The following MTERF4 variants were observed in gnomAD, a reference collection of about 807,000 sequenced individuals.
The protein encoded by MTERF4 is transcription termination factor 4, mitochondrial.
Under a neutral mutation model 22.5 loss-of-function variants are expected in MTERF4, and 17 were observed. The ratio of observed to expected loss-of-function variants is 0.75; its 90% CI spans 0.52 to 1.13. The LOEUF (loss-of-function observed/expected upper bound fraction) is 1.13. Among genes scored for constraint, MTERF4 ranks in the 50% most tolerant of loss-of-function variants. The pLI is 0.00. For missense variants in MTERF4, 420 were observed against 466.8 expected (o/e 0.90, Z 0.92); for synonymous variants, 165 against 175.3 (o/e 0.94, Z 0.47).
At chr2:241,061,266 G>T in the MTERF4 span, among the ~76,000 whole-genome samples, 3 of 152,098 alleles carry the variant, frequency 2.0e-5, no homozygotes, top group East Asian at 5.8e-4. Context: ...AACATAAAAA[G>T]AAATATTCTA....
At chr2:241,052,201 C>T in the MTERF4 span, 2 of 1,553,900 alleles carry the variant, frequency 1.3e-6, no homozygotes, top group South Asian at 2.2e-5. Flanking sequence ...AGGGGTGAAC[C>T]CTCTCTGCAG....
chr2:241,064,349 C>G, the MTERF4 span, among the ~76,000 whole-genome samples: 8 of 151,988 alleles, frequency 5.3e-5, no homozygotes, highest in South Asian at 1.7e-3. The surrounding 1 kb of genome is among the most constrained non-coding windows in gnomAD (Gnocchi z 7.0). Context: ...CCTGCGCTCA[C>G]CCCCCAGACA....
At position 241,096,429 on chromosome 2, in the gene MTERF4, A is replaced by G. The variant is rs759354557; in HGVS notation, c.715T>C (p.Phe239Leu). The change falls in exon 4 of 4, where the codon TTC (phenylalanine) becomes CTC (leucine). Residue 239 changes from phenylalanine (F) to leucine (L), a missense_variant. Physicochemically the swap from Phe to Leu is conservative, Grantham distance 22. Transcript: ENST00000391980. The surrounding 1 kb of genome is among the most constrained non-coding windows in gnomAD (Gnocchi z 5.1). Reference sequence around the variant, plus strand: ...TCTGGATGCTTAATTCCCATCCTGAAGTATGCATACTGGAAGACACAAACA... The same window carrying G: ...TCTGGATGCTTAATTCCCATCCTGAGGTATGCATACTGGAAGACACAAACA... Reference protein sequence around the residue: ...QLEYKFQYAYFRMGIKHPDIV... With the variant: ...QLEYKFQYAYLRMGIKHPDIV... 3.7e-6 allele frequency: 6 copies of G among 1,613,956 alleles called. No homozygotes were observed. Among genetic ancestry groups the G allele is most frequent in the Non-Finnish European group, 5.1e-6 (6 of 1,180,006 alleles).
downstream of MTERF4, chr2:241,068,874 A>G (rs2062581199): frequency 7.1e-7 from 1 of 1,407,770 alleles, no homozygotes. This position sits in a 1 kb window ranked among gnomAD's most constrained non-coding sequence, Gnocchi z 5.3. Context: ...CAGGTCCCAG[A>G]CATCCCTGTT....
rs544384010 is a variant in MTERF4 at position 241,096,327 on chromosome 2, G to A, written c.817C>T (p.Arg273Trp). The change falls in exon 4 of 4, where the codon CGG becomes TGG. Residue 273 changes from arginine to tryptophan, a missense_variant. Physicochemically the swap from Arg to Trp is moderately radical, Grantham distance 101. Coordinates refer to ENST00000391980, the MANE Select transcript of MTERF4 (RefSeq NM_182501.4). The surrounding 1 kb of genome is among the most constrained non-coding windows in gnomAD (Gnocchi z 5.1). ...CCCTTCTTATCAGGGGTTTGGTACC[G>A]TCCCAGGCGCTCCAGGTAAATGTGT... ...QRHIYLERLG[R>W]YQTPDKKGQT... 42 of 1,614,150 alleles carry A rather than the reference G, an allele frequency of 2.6e-5. No homozygotes were observed. Among genetic ancestry groups the A allele is most frequent in the Admixed American group, 1.2e-4 (7 of 60,010 alleles).
the MTERF4 span, among the ~76,000 whole-genome samples, chr2:241,046,317 G>A: frequency 6.6e-6 from 1 of 152,136 alleles, no homozygotes; most frequent in African/African-American, 2.4e-5. Context: ...TAACTCTAAA[G>A]AGATGAAAAC....
chr2:241,081,787 G>A (rs1429491832), intron 4 of MTERF4: 3 of 1,584,128 alleles, frequency 1.9e-6, no homozygotes, highest in Non-Finnish European at 2.6e-6. Flanking sequence ...CAGACGCTGC[G>A]AGCTCGGTAA....
the MTERF4 span, chr2:241,063,423 A>C: frequency 4.7e-6 from 3 of 633,676 alleles, no homozygotes; most frequent in Non-Finnish European, 8.7e-6. Flanking sequence ...CCTCCCGAGG[A>C]GGGGTGGGTT....
the MTERF4 span, chr2:241,053,021 C>G: frequency 1.2e-6 from 1 of 842,542 alleles, no homozygotes; most frequent in Non-Finnish European, 1.8e-6. Flanking sequence ...AGTCGAGGCA[C>G]CTTTCCCCGG....
the MTERF4 span, chr2:241,065,372 C>T: frequency 8.7e-6 from 14 of 1,613,014 alleles, no homozygotes; most frequent in Middle Eastern, 1.6e-4. Flanking sequence ...GGAACCCGCC[C>T]AATGGTCCAG....
At chr2:241,060,623 TTAAAGACC>T in the MTERF4 span, among the ~76,000 whole-genome samples, 10,236 of 152,082 alleles carry the variant, frequency 0.067, 536 homozygotes, top group African/African-American at 0.14. Context: ...TCCAGGTGGA[TTAAAGACC>T]TAAATGTTTC....
At chr2:241,071,776 C>T, downstream of MTERF4, 1 of 1,567,540 alleles carries the variant, frequency 6.4e-7, no homozygotes, top group Non-Finnish European at 8.6e-7. Context: ...ACTGTGGTGA[C>T]CCTCCCACCC....
At chr2:241,050,479 G>A in the MTERF4 span, among the ~76,000 whole-genome samples, 1 of 152,094 alleles carries the variant, frequency 6.6e-6, no homozygotes, top group Non-Finnish European at 1.5e-5. Flanking sequence ...CTGCCTGACC[G>A]CAGAGTGACC....
At chr2:241,063,530 C>A in the MTERF4 span, 15 of 1,109,188 alleles carry the variant, frequency 1.4e-5, no homozygotes, top group African/African-American at 2.2e-4. Context: ...ATCCTGGGGG[C>A]ATGTGGGCGC....
the MTERF4 span, among the ~76,000 whole-genome samples, chr2:241,047,758 G>A: frequency 6.6e-6 from 1 of 152,084 alleles, no homozygotes; most frequent in Non-Finnish European, 1.5e-5. Context: ...CTTCTCTGGT[G>A]CTTCTTGTTC....
chr2:241,077,006 G>A (rs529047709), intron 4 of MTERF4, among the ~76,000 whole-genome samples: 3 of 152,126 alleles, frequency 2.0e-5, no homozygotes, highest in East Asian at 3.9e-4. Flanking sequence ...GTGAACCCGG[G>A]AGGTGGAGCT....
At chr2:241,094,046 G>C (rs1267633581), downstream of MTERF4, 9 of 325,904 alleles carry the variant, frequency 2.8e-5, no homozygotes, top group East Asian at 5.9e-4. The surrounding 1 kb of genome is among the most constrained non-coding windows in gnomAD (Gnocchi z 4.3). Flanking sequence ...TTCTAGGGAG[G>C]GTGGCAGTGA....
At chr2:241,090,231 T>A, downstream of MTERF4, 2 of 1,492,460 alleles carry the variant, frequency 1.3e-6, no homozygotes, top group Non-Finnish European at 1.8e-6. Flanking sequence ...ACTATTTAAC[T>A]TTTGTTAAAA....
chr2:241,085,672 G>A (rs1015416398), downstream of MTERF4, among the ~76,000 whole-genome samples: 1 of 151,966 alleles, frequency 6.6e-6, no homozygotes, highest in African/African-American at 2.4e-5. Flanking sequence ...GCTGGGCATT[G>A]TAAGTTTTAT....
Sources: allele counts gnomAD v4.1 joint callset (sites outside exome capture counted in the v4.1 genomes callset), GRCh38; gene constraint gnomAD v4.1.1; non-coding constraint Gnocchi (gnomAD v3.1); transcripts MANE v1.5; gene names NCBI Gene and HGNC (gene_info 2026-07-23, HGNC 2026-07-21).